BDH1: variants seen among roughly 807,000 people sequenced by gnomAD.
BDH1 encodes D-beta-hydroxybutyrate dehydrogenase, mitochondrial.
In BDH1, 30 loss-of-function variants were observed where a neutral mutation model predicts 33.1. That is an observed-to-expected ratio of 0.91 (90% CI 0.68 to 1.23). BDH1 has a LOEUF of 1.23. Ranked by LOEUF, BDH1 falls within the 50% of genes most tolerant of loss-of-function variation. The pLI is 0.00. For missense variants in BDH1, 443 were observed against 464.4 expected (o/e 0.95, Z 0.42); for synonymous variants, 190 against 183.6 (o/e 1.03, Z -0.28).
At chr3:197,537,953 G>A (rs1194375457) in intron 3 of BDH1, among the ~76,000 whole-genome samples, 1 of 152,054 alleles carries the variant, frequency 6.6e-6, no homozygotes, top group African/African-American at 2.4e-5. Flanking sequence ...CTGGGTTGCC[G>A]GCTGCTTCAA....
upstream of BDH1, among the ~76,000 whole-genome samples, chr3:197,559,308 ACTT>A (rs1330154670): frequency 3.9e-5 from 6 of 152,168 alleles, no homozygotes; most frequent in Non-Finnish European, 8.8e-5. Flanking sequence ...CTTCAACTGA[ACTT>A]TAATAATTGG....
In BDH1 at chr3:197,523,100, C is replaced by A. The variant is rs569853575; in HGVS notation, c.268-319G>T. 9.7e-5 allele frequency: 31 copies of A among 318,954 alleles called. No individual in the cohort carries two copies. The highest frequency in any genetic ancestry group is 1.6e-4 in the Non-Finnish European group (28 of 176,112). The allele number at this position is 318,954 out of a possible 1,614,324, so 19.8% of individuals were successfully genotyped here. ...GGGCAGGCGGGGGCCCTGGGGAGTA[C>A]AGGACATGTCAGGAATTACCACGTG... On this transcript the variant is annotated intron_variant, in intron 5 of 7. Coordinates refer to ENST00000392379, the MANE Select transcript of BDH1 (RefSeq NM_203314.3). This position sits in a 1 kb window ranked among gnomAD's most constrained non-coding sequence, Gnocchi z 4.5.
At chr3:197,569,112 G>T (rs1160497075) in intron 1 of BDH1, among the ~76,000 whole-genome samples, 2 of 152,196 alleles carry the variant, frequency 1.3e-5, no homozygotes, top group Non-Finnish European at 2.9e-5. Flanking sequence ...ACCAGGAAGT[G>T]GCAAAGACAG....
At chr3:197,524,187 A>G (rs970196082) in intron 5 of BDH1, among the ~76,000 whole-genome samples, 1 of 152,236 alleles carries the variant, frequency 6.6e-6, no homozygotes, top group Admixed American at 6.5e-5. Flanking sequence ...ATTGGCAGCA[A>G]TTTTCCTGAA....
At chr3:197,544,373 G>A (rs1391222960) in intron 3 of BDH1, among the ~76,000 whole-genome samples, 1 of 152,142 alleles carries the variant, frequency 6.6e-6, no homozygotes, top group Non-Finnish European at 1.5e-5. Flanking sequence ...AGTGAGCCAG[G>A]AGCTTGACTA....
intron 2 of BDH1, among the ~76,000 whole-genome samples, chr3:197,549,911 G>A (rs962534404): frequency 6.6e-6 from 1 of 151,282 alleles, no homozygotes; most frequent in Admixed American, 6.6e-5. Flanking sequence ...TGGACACTAT[G>A]GGCATTTGAG....
At chr3:197,515,487 C>T in intron 6 of BDH1, 1 of 985,724 alleles carries the variant, frequency 1.0e-6, no homozygotes, top group East Asian at 1.1e-4. Flanking sequence ...AGGCCACTCC[C>T]CACCCGTCAT....
rs1713550709 is a variant in BDH1 at position 197,521,537 on chromosome 3, A to C, written c.409+1103T>G. Among the ~76,000 whole-genome samples, 1 of 151,782 alleles carries C rather than the reference A, an allele frequency of 6.6e-6. No homozygotes were observed. Among genetic ancestry groups the C allele is most frequent in the African/African-American group, 2.4e-5 (1 of 41,312 alleles). On this transcript the variant is annotated intron_variant, in intron 6 of 7. Transcript: ENST00000392379. This position sits in a 1 kb window ranked among gnomAD's most constrained non-coding sequence, Gnocchi z 4.9. ...CTGATCCCCGAACACTCACATTCCC[A>C]GGGGTCCCTCTGTGCATCTCCCCGA...
rs138594140 is a variant in BDH1 at position 197,514,367 on chromosome 3, C to T, written c.459G>A (p.Val153=). 14 of 1,613,186 alleles carry T rather than the reference C, an allele frequency of 8.7e-6. No homozygotes were observed. In the African/African-American group the frequency reaches 1.7e-4, roughly 20 times the overall value. The change falls in exon 7 of 8, where the codon GTG becomes GTA. Residue 153 remains valine (V), a synonymous_variant. Coordinates refer to ENST00000392379, the MANE Select transcript of BDH1 (RefSeq NM_203314.3). The surrounding 1 kb of genome is among the most constrained non-coding windows in gnomAD (Gnocchi z 4.2). ...TGTAGGTCTCCAGGCTGGTGAACTC[C>T]ACCTCCCCGAACGTTGAGATGCCGG... is the stretch of plus-strand genomic sequence containing the variant. ...NNAGISTFGE[V]EFTSLETYKQ... is the part of the protein sequence containing the mutation.
Position 197,532,521 on chromosome 3 carries a change from A to C in BDH1, c.158T>G (p.Val53Gly). ...RRTYASAAEP[V>G]GSKAVLVTGC... ...TGTGACCAGGACAGCTTTGCTGCCA[A>C]CCTGTTTTACAAGGTCAGATTCCAT... is the stretch of plus-strand genomic sequence containing the variant. Residue 53 changes from valine to glycine, a missense_variant and splice_region_variant, in exon 5 of 8, where the codon GTT becomes GGT. Physicochemically the swap from Val to Gly is moderately radical, Grantham distance 109 (BLOSUM62 -3). Coordinates refer to ENST00000392379, the MANE Select transcript of BDH1 (RefSeq NM_203314.3). The C allele has an allele frequency of 6.2e-7, 1 of 1,613,410 alleles. No individual in the cohort carries two copies. Among genetic ancestry groups the C allele is most frequent in the South Asian group, 1.1e-5 (1 of 91,076 alleles).
chr3:197,530,188 C>T (rs1274874617), intron 5 of BDH1: 3 of 152,048 alleles, frequency 2.0e-5, no homozygotes, highest in East Asian at 1.9e-4. Context: ...CTGGCAAAAA[C>T]CAAAAGCTTG....
rs184419812 is a variant in BDH1, at chr3:197,514,144, C to T, written c.562+120G>A. 2.3e-3 allele frequency: 3,100 copies of T among 1,332,412 alleles called. 9 individuals are homozygous for T. Among genetic ancestry groups the T allele is most frequent in the Middle Eastern group, 4.0e-3 (21 of 5,234 alleles). 82.5% of individuals were successfully genotyped at this position (1,332,412 alleles called of 1,614,324 possible). A position where few individuals can be genotyped will look rare whatever the true frequency, so the allele number is the denominator to read the frequency against. ...GGCCCAGCATAGTCCCTGGGATTCACGAGCTCACCTCTGCTGAGTTGTGGA... is the reference window on the plus strand; with the variant it reads ...GGCCCAGCATAGTCCCTGGGATTCATGAGCTCACCTCTGCTGAGTTGTGGA... On this transcript the variant is annotated intron_variant, in intron 7 of 7. Coordinates refer to ENST00000392379, the MANE Select transcript of BDH1 (RefSeq NM_203314.3). This position sits in a 1 kb window ranked among gnomAD's most constrained non-coding sequence, Gnocchi z 4.2.
upstream of BDH1, among the ~76,000 whole-genome samples, chr3:197,559,196 C>T (rs151128324): frequency 0.013 from 2,039 of 152,126 alleles, 12 homozygotes; most frequent in Non-Finnish European, 0.022. Context: ...GATGGGGTTT[C>T]ACCATGTTGG....
Position 197,525,273 on chromosome 3 carries a change from C to A in BDH1, c.268-2492G>T, listed in dbSNP as rs913217202. Among the ~76,000 whole-genome samples, 1 of 152,220 alleles carries A rather than the reference C, an allele frequency of 6.6e-6. No individual in the cohort carries two copies. Among genetic ancestry groups the A allele is most frequent in the Non-Finnish European group, 1.5e-5 (1 of 68,046 alleles). On this transcript the variant is annotated intron_variant, in intron 5 of 7. Coordinates refer to ENST00000392379, the MANE Select transcript of BDH1 (RefSeq NM_203314.3). The surrounding 1 kb of genome is among the most constrained non-coding windows in gnomAD (Gnocchi z 4.9). The stretch of plus-strand genomic sequence containing the variant: ...TGGTGGCCCTTCAAATGCCCCTTGG[C>A]GTGGAGCTCACATGATCTGAACCTC...
At chr3:197,537,886 T>C (rs921097306) in intron 3 of BDH1, among the ~76,000 whole-genome samples, 1 of 152,228 alleles carries the variant, frequency 6.6e-6, no homozygotes. Flanking sequence ...ACTGGTCATT[T>C]GGCTAGAGAG....
At chr3:197,561,279 G>C (rs1717251076) in intron 1 of BDH1, among the ~76,000 whole-genome samples, 1 of 152,098 alleles carries the variant, frequency 6.6e-6, no homozygotes, top group Admixed American at 6.5e-5. Flanking sequence ...ACACCCTCCA[G>C]AGAATCCTTG....
rs1278652894 is a variant in BDH1, at chr3:197,554,874, T to C, written c.-195-161A>G. Among the ~76,000 whole-genome samples, 1 of 152,186 alleles carries C rather than the reference T, an allele frequency of 6.6e-6. No individual in the cohort carries two copies. The highest frequency in any genetic ancestry group is 1.5e-5 in the Non-Finnish European group (1 of 68,028). ...AGCGCTCAAACCCACAGGGTATCTA[T>C]CAGGCGCGCGTCAGCACGTAAGCAG... On this transcript the variant is annotated intron_variant, in intron 1 of 7. Coordinates refer to ENST00000392379, the MANE Select transcript of BDH1 (RefSeq NM_203314.3). The surrounding 1 kb of genome is among the most constrained non-coding windows in gnomAD (Gnocchi z 4.4).
At chr3:197,519,040 G>A (rs62282546) in intron 6 of BDH1, among the ~76,000 whole-genome samples, 23,635 of 68,642 alleles carry the variant, frequency 0.34, 4,445 homozygotes, top group African/African-American at 0.59. Flanking sequence ...TCCATCCCCC[G>A]CTCAGGCACC....
intron 3 of BDH1, among the ~76,000 whole-genome samples, chr3:197,542,237 A>G (rs973928417): frequency 1.3e-4 from 20 of 152,200 alleles, no homozygotes; most frequent in Admixed American, 1.2e-3. Flanking sequence ...CCAAAGCCAC[A>G]ATGGCCCTAG....
Sources: allele counts gnomAD v4.1 joint callset (sites outside exome capture counted in the v4.1 genomes callset), GRCh38; gene constraint gnomAD v4.1.1; non-coding constraint Gnocchi (gnomAD v3.1); transcripts MANE v1.5; gene names NCBI Gene and HGNC (gene_info 2026-07-23, HGNC 2026-07-21).